Variants in DTNA observed in about 807,000 individuals in gnomAD.
The protein encoded by DTNA is dystrophin-related protein 3.
DTNA carries 43 observed loss-of-function variants against 100.7 expected under a neutral mutation model. The ratio of observed to expected loss-of-function variants is 0.43; its 90% CI spans 0.33 to 0.55. The LOEUF is 0.55. Among genes scored for constraint, DTNA ranks in the 20% least tolerant of loss-of-function variants. DTNA has a pLI of 0.04. For synonymous variants in DTNA, 349 were observed against 347.9 expected (o/e 1.00, Z -0.04); for missense variants, 798 against 953.9 (o/e 0.84, Z 2.15).
chr18:34,879,554 T>G lies in DTNA; in HGVS notation c.1997T>G (p.Val666Gly), dbSNP rs2096852329. 6.2e-7 allele frequency: 1 copy of G among 1,613,736 alleles called. No homozygotes were observed. The highest frequency in any genetic ancestry group is 1.3e-5 in the African/African-American group (1 of 74,912). The change falls in exon 20 of 23, where the codon GTT becomes GGT. Residue 666 changes from valine (V) to glycine (G), a missense_variant. Val to Gly is a moderately radical substitution (Grantham distance 109, BLOSUM62 -3). Transcript: ENST00000444659. The part of the protein sequence containing the change: ...SSLVKELNSE[V>G]GSETESNVDS... ...TTTCTTCAATTGTATCTGCTAGAGG[T>G]TGGGAGTGAAACAGAGAGTAATGTG...
Position 34,794,167 on chromosome 18 carries a change from C to T in DTNA, c.279C>T (p.Asn93=), listed in dbSNP as rs540664373. 6.2e-7 allele frequency: 1 copy of T among 1,614,178 alleles called. No individual in the cohort carries two copies. The highest frequency in any genetic ancestry group is 1.3e-5 in the African/African-American group (1 of 75,054). ...TCTCCACTATTTTTTACCAGCTCAA[C>T]AAACGGATGCCAACCACTCACCAAA... ...AVLSTIFYQL[N]KRMPTTHQIH... Residue 93 remains asparagine, a synonymous_variant, in exon 4 of 23, where the codon AAC becomes AAT. Transcript: ENST00000444659.
At chr18:34,733,226 G>A (rs1020427131) in intron 1 of DTNA, among the ~76,000 whole-genome samples, 28 of 152,116 alleles carry the variant, frequency 1.8e-4, no homozygotes, top group African/African-American at 6.8e-4. Context: ...CCCTTCATTC[G>A]AAGGCTTCTG....
chr18:34,602,513 GATAC>G (rs759640130), intron 1 of DTNA, among the ~76,000 whole-genome samples: 1 of 152,036 alleles, frequency 6.6e-6, no homozygotes, highest in Non-Finnish European at 1.5e-5. Context: ...ATTATAGATA[GATAC>G]ATAGATAGAT....
chr18:34,503,258 T>C (rs2040122587), intron 1 of DTNA, among the ~76,000 whole-genome samples: 1 of 151,362 alleles, frequency 6.6e-6, no homozygotes, highest in Admixed American at 6.6e-5. Flanking sequence ...GAGTTCCTTG[T>C]AGATAAAATA....
At chr18:34,662,759 T>C (rs1359230041) in intron 1 of DTNA, 1 of 152,222 alleles carries the variant, frequency 6.6e-6, no homozygotes, top group African/African-American at 2.4e-5. Context: ...TGTCAGGCAC[T>C]GTGCTAAGTG....
intron 4 of DTNA, among the ~76,000 whole-genome samples, chr18:34,799,044 T>C (rs1025812057): frequency 3.3e-5 from 5 of 152,256 alleles, no homozygotes; most frequent in Admixed American, 2.6e-4. Context: ...TTCTGATGCT[T>C]ACATTCCTAA....
At chr18:34,694,109 GATAA>G (rs1424671000) in intron 1 of DTNA, among the ~76,000 whole-genome samples, 1 of 151,170 alleles carries the variant, frequency 6.6e-6, no homozygotes, top group African/African-American at 2.5e-5. Context: ...CTTTGAGTAA[GATAA>G]ATATACAGTA....
chr18:34,685,106 C>T (rs565753125), intron 1 of DTNA, among the ~76,000 whole-genome samples: 3 of 152,324 alleles, frequency 2.0e-5, no homozygotes, highest in South Asian at 2.1e-4. Context: ...CCTGTTCACT[C>T]TGCTGATAGT....
At chr18:34,649,390 GT>G (rs2060198371) in intron 1 of DTNA, among the ~76,000 whole-genome samples, 1 of 152,170 alleles carries the variant, frequency 6.6e-6, no homozygotes, top group Non-Finnish European at 1.5e-5. Context: ...CTGTGGGGAC[GT>G]TATACCCACG....
chr18:34,711,077 T>A (rs1409705108), intron 1 of DTNA, among the ~76,000 whole-genome samples: 2 of 152,166 alleles, frequency 1.3e-5, no homozygotes, highest in African/African-American at 4.8e-5. Flanking sequence ...GATACAGGAT[T>A]TAAAAATAGA....
At chr18:34,829,368 T>C in intron 10 of DTNA, 32 bp from the exon 11 acceptor site, 1 of 1,534,902 alleles carries the variant, frequency 6.5e-7, no homozygotes, top group Non-Finnish European at 8.7e-7. Flanking sequence ...CATGGGAAGT[T>C]TTAATGAGGT....
intron 1 of DTNA, among the ~76,000 whole-genome samples, chr18:34,735,693 T>C (rs1176596728): frequency 4.6e-5 from 7 of 152,160 alleles, no homozygotes; most frequent in Admixed American, 4.6e-4. Flanking sequence ...TTTATTTTCA[T>C]TTTTAGTTCT....
intron 1 of DTNA, among the ~76,000 whole-genome samples, chr18:34,561,397 C>T (rs963952955): frequency 2.0e-5 from 3 of 152,130 alleles, no homozygotes; most frequent in South Asian, 2.1e-4. Flanking sequence ...TTTTAAAACA[C>T]GTGCTGTAGT....
intron 1 of DTNA, among the ~76,000 whole-genome samples, chr18:34,645,709 G>A (rs2143414464): frequency 6.6e-6 from 1 of 152,206 alleles, no homozygotes; most frequent in African/African-American, 2.4e-5. Context: ...TAAATAGGGA[G>A]TCTCTTCAGT....
intron 1 of DTNA, among the ~76,000 whole-genome samples, chr18:34,632,391 G>T (rs568417916): frequency 6.6e-6 from 1 of 152,278 alleles, no homozygotes; most frequent in African/African-American, 2.4e-5. Context: ...TTCAAATGTG[G>T]TGGCTGCAAA....
intron 1 of DTNA, among the ~76,000 whole-genome samples, chr18:34,556,287 T>G (rs1281652484): frequency 6.6e-6 from 1 of 152,196 alleles, no homozygotes; most frequent in Non-Finnish European, 1.5e-5. Flanking sequence ...ATGGGTTTCC[T>G]GAATACAGCA....
intron 1 of DTNA, among the ~76,000 whole-genome samples, chr18:34,671,128 G>A (rs2076695242): frequency 6.6e-6 from 1 of 152,166 alleles, no homozygotes; most frequent in East Asian, 1.9e-4. Context: ...GCAATGGCGG[G>A]CACCCCTCCC....
chr18:34,657,625 T>C (rs1231490863), intron 1 of DTNA, among the ~76,000 whole-genome samples: 5 of 152,190 alleles, frequency 3.3e-5, no homozygotes, highest in Admixed American at 6.5e-5. Flanking sequence ...ATGGATACAC[T>C]AAATTTTTCA....
chr18:34,578,538 T>G (rs1374854355), intron 1 of DTNA, among the ~76,000 whole-genome samples: 1 of 152,040 alleles, frequency 6.6e-6, no homozygotes, highest in Admixed American at 6.5e-5. Context: ...CGTGAAATTC[T>G]TGCCTAAGAC....
Sources: gnomAD v4.1 joint callset for allele counts (sites outside exome capture counted in the v4.1 genomes callset) on GRCh38, gnomAD v4.1.1 for gene constraint, MANE v1.5 for transcripts, NCBI Gene and HGNC (gene_info 2026-07-23, HGNC 2026-07-21) for gene names.